CCDC91: variants seen among roughly 807,000 people sequenced by gnomAD.
CCDC91 encodes the protein coiled-coil domain containing 91.
Under a neutral mutation model 63.2 loss-of-function variants are expected in CCDC91, and 48 were observed. The ratio of observed to expected loss-of-function variants is 0.76; its 90% CI spans 0.60 to 0.97. The LOEUF (loss-of-function observed/expected upper bound fraction) is 0.97, where lower values mean the gene tolerates loss of function less well. Among genes scored for constraint, CCDC91 ranks in the 50% least tolerant of loss-of-function variants. The probability of loss-of-function intolerance (pLI) is 0.00; values close to 1 mark genes in which losing one functional copy is unlikely to be tolerated. For missense variants in CCDC91, 500 were observed against 494.6 expected (o/e 1.01, Z -0.10); for synonymous variants, 167 against 165.8 (o/e 1.01, Z -0.06).
intron 7 of CCDC91, among the ~76,000 whole-genome samples, chr12:28,370,181 T>C (rs1944526220): frequency 6.6e-6 from 1 of 152,202 alleles, no homozygotes; most frequent in Non-Finnish European, 1.5e-5. Flanking sequence ...ATATTCTGCT[T>C]CCCTTTTAAA....
intron 8 of CCDC91, among the ~76,000 whole-genome samples, chr12:28,400,973 T>G (rs1251241627): frequency 6.6e-6 from 1 of 152,178 alleles, no homozygotes; most frequent in African/African-American, 2.4e-5. Context: ...TCCTGAGTCC[T>G]CTAAGCCTTT....
At chr12:28,352,407 A>G (rs1943242408) in intron 6 of CCDC91, among the ~76,000 whole-genome samples, 1 of 152,218 alleles carries the variant, frequency 6.6e-6, no homozygotes. Context: ...TTCTTTCAAA[A>G]TTGGAGTAAG....
At chr12:28,447,313 T>G (rs2140293053) in intron 8 of CCDC91, among the ~76,000 whole-genome samples, 1 of 152,192 alleles carries the variant, frequency 6.6e-6, no homozygotes, top group East Asian at 1.9e-4. Flanking sequence ...GAATACTACT[T>G]ATATATAAAT....
chr12:28,397,468 G>T (rs1200835509), intron 8 of CCDC91, among the ~76,000 whole-genome samples: 1 of 152,044 alleles, frequency 6.6e-6, no homozygotes, highest in Non-Finnish European at 1.5e-5. Flanking sequence ...TCATTTAAAT[G>T]TATGGGCGAG....
In CCDC91 at chr12:28,199,045, C is replaced by G. The variant is rs868632457; in HGVS notation, c.-15+8404C>G. The G allele has an allele frequency of 2.0e-4, 31 of 151,982 alleles. 1 individual carries two copies. Among genetic ancestry groups the G allele is most frequent in the African/African-American group, 7.2e-4 (30 of 41,426 alleles). The allele number at this position is 151,982 out of a possible 1,614,324, so 9.4% of individuals were successfully genotyped here. ...TCTCCTGCCTGAGCCTCCCTAGTAGCTAGGACTACAGGTGTGTGCCACGAT... is the reference window on the plus strand; with the variant it reads ...TCTCCTGCCTGAGCCTCCCTAGTAGGTAGGACTACAGGTGTGTGCCACGAT... On this transcript the variant is annotated intron_variant, in intron 1 of 12. Coordinates refer to ENST00000536442, the MANE Select transcript of CCDC91 (RefSeq NM_018318.5).
chr12:28,283,211 A>G (rs1187469161), intron 3 of CCDC91, among the ~76,000 whole-genome samples: 1 of 131,642 alleles, frequency 7.6e-6, no homozygotes, highest in East Asian at 2.5e-4. Context: ...TCCCATATGA[A>G]TTTTAGGATT....
chr12:28,439,533 C>T (rs1949073959), intron 8 of CCDC91, among the ~76,000 whole-genome samples: 1 of 152,166 alleles, frequency 6.6e-6, no homozygotes, highest in Admixed American at 6.5e-5. Flanking sequence ...ACCCCCTCCA[C>T]ACACAATACA....
intron 6 of CCDC91, among the ~76,000 whole-genome samples, chr12:28,353,556 G>T (rs1943322876): frequency 1.3e-5 from 2 of 152,112 alleles, no homozygotes; most frequent in Non-Finnish European, 2.9e-5. Flanking sequence ...TTATTATAGG[G>T]TTATTAATTG....
chr12:28,403,360 G>T (rs1293875624), intron 8 of CCDC91, among the ~76,000 whole-genome samples: 1 of 152,094 alleles, frequency 6.6e-6, no homozygotes, highest in African/African-American at 2.4e-5. Flanking sequence ...GTAAACAATA[G>T]AAATTTACTT....
chr12:28,314,656 G>A (rs1381188933), intron 6 of CCDC91, among the ~76,000 whole-genome samples: 1 of 152,012 alleles, frequency 6.6e-6, no homozygotes, highest in Non-Finnish European at 1.5e-5. Flanking sequence ...TAAACACTCT[G>A]AAGATGTATC....
intron 11 of CCDC91, among the ~76,000 whole-genome samples, chr12:28,478,343 CAA>C (rs1951236392): frequency 6.6e-6 from 1 of 152,018 alleles, no homozygotes; most frequent in East Asian, 1.9e-4. Flanking sequence ...ACAAACCTGA[CAA>C]AGACAAGAAA....
intron 1 of CCDC91, among the ~76,000 whole-genome samples, chr12:28,219,776 AT>A (rs1340598338): frequency 1.3e-5 from 2 of 152,010 alleles, no homozygotes; most frequent in African/African-American, 4.8e-5. Flanking sequence ...CCCGGCCCCC[AT>A]TGTAACCATT....
intron 8 of CCDC91, among the ~76,000 whole-genome samples, chr12:28,394,641 T>G (rs1946169571): frequency 1.3e-5 from 2 of 151,476 alleles, no homozygotes; most frequent in Admixed American, 1.3e-4. Flanking sequence ...GAAATGTCTT[T>G]GAGAAAAGCG....
chr12:28,249,718 CTT>C (rs777184107), intron 1 of CCDC91, among the ~76,000 whole-genome samples: 31 of 143,886 alleles, frequency 2.2e-4, no homozygotes, highest in Admixed American at 4.9e-4. Context: ...ACTATGATTA[CTT>C]TTTTTTTTTT....
intron 8 of CCDC91, among the ~76,000 whole-genome samples, chr12:28,449,383 G>A (rs1949688632): frequency 6.6e-6 from 1 of 151,948 alleles, no homozygotes; most frequent in Non-Finnish European, 1.5e-5. Context: ...AAATATATGA[G>A]TAGCAATACA....
chr12:28,501,565 T>C (rs1021154261), intron 12 of CCDC91, among the ~76,000 whole-genome samples: 2 of 151,650 alleles, frequency 1.3e-5, no homozygotes, highest in African/African-American at 4.8e-5. Flanking sequence ...GCCCACTTGA[T>C]CATGGTGGAT....
At chr12:28,290,839 G>A (rs11049510) in intron 3 of CCDC91, among the ~76,000 whole-genome samples, 30,656 of 152,012 alleles carry the variant, frequency 0.2, 4,011 homozygotes, top group Non-Finnish European at 0.3. Context: ...TTAAAAGTAT[G>A]CTATATTTTA....
intron 8 of CCDC91, among the ~76,000 whole-genome samples, chr12:28,432,003 C>T (rs1435007915): frequency 6.6e-6 from 1 of 151,904 alleles, no homozygotes; most frequent in Non-Finnish European, 1.5e-5. Context: ...CTTTTTAATA[C>T]TGACTTCTTT....
chr12:28,374,687 C>G (rs1346163602), intron 7 of CCDC91, among the ~76,000 whole-genome samples: 1 of 152,042 alleles, frequency 6.6e-6, no homozygotes, highest in East Asian at 1.9e-4. Context: ...TATGATAGGA[C>G]TTAAACTTTT....
Sources: allele counts gnomAD v4.1 joint callset (sites outside exome capture counted in the v4.1 genomes callset), GRCh38; gene constraint gnomAD v4.1.1; transcripts MANE v1.5; gene names NCBI Gene and HGNC (gene_info 2026-07-23, HGNC 2026-07-21).